The following CA2 variants were observed in gnomAD, a reference collection of about 807,000 sequenced individuals.
The protein encoded by CA2 is carbonic anhydrase 2, also known as carbonate dehydratase II.
In CA2, 23 loss-of-function variants were observed where a neutral mutation model predicts 27.8. That is an observed-to-expected ratio of 0.83 (90% CI 0.59 to 1.17). CA2 has a LOEUF of 1.17. Among genes scored for constraint, CA2 ranks in the 50% most tolerant of loss-of-function variants. The pLI is 0.00. For synonymous variants in CA2, 99 were observed against 114.9 expected (o/e 0.86, Z 0.88); for missense variants, 300 against 314.7 (o/e 0.95, Z 0.35).
intron 6 of CA2, among the ~76,000 whole-genome samples, chr8:85,478,733 T>C (rs181678046): frequency 7.2e-4 from 109 of 152,304 alleles, no homozygotes; most frequent in Non-Finnish European, 1.3e-3. Flanking sequence ...TTTTGTCCTA[T>C]AACATGGAAT....
intron 4 of CA2, among the ~76,000 whole-genome samples, chr8:85,475,056 C>A (rs1811771417): frequency 6.6e-6 from 1 of 151,952 alleles, no homozygotes; most frequent in Non-Finnish European, 1.5e-5. Context: ...GCCTGTAATC[C>A]CAGCACCTTG....
At chr8:85,476,392 T>C (rs1490000534) in intron 5 of CA2, among the ~76,000 whole-genome samples, 1 of 152,176 alleles carries the variant, frequency 6.6e-6, no homozygotes, top group African/African-American at 2.4e-5. Context: ...CTTCCGGTGA[T>C]GGGGAACTTA....
intron 6 of CA2, among the ~76,000 whole-genome samples, chr8:85,479,962 G>A (rs1811862368): frequency 6.6e-6 from 1 of 152,130 alleles, no homozygotes; most frequent in South Asian, 2.1e-4. Flanking sequence ...TATGGATGTG[G>A]TAGTTTGTCT....
At chr8:85,480,216 T>C (rs572804522) in intron 6 of CA2, among the ~76,000 whole-genome samples, 1 of 152,286 alleles carries the variant, frequency 6.6e-6, no homozygotes, top group East Asian at 1.9e-4. Flanking sequence ...ATTTTGGCCA[T>C]TGATGCACAG....
At position 85,468,122 on chromosome 8, in the gene CA2, G is replaced by A. The variant is rs139805166; in HGVS notation, c.232+2653G>A. Among the ~76,000 whole-genome samples the A allele has an allele frequency of 4.5e-4, 68 of 152,346 alleles. 1 individual carries two copies. The East Asian group carries it at 0.013, about 29-fold the overall frequency. On this transcript the variant is annotated intron_variant, in intron 2 of 6. Coordinates refer to ENST00000285379, the MANE Select transcript of CA2 (RefSeq NM_000067.3). ...TCCAAGGAACTATGGAAACGTGAAG[G>A]AGGCTTGGCAGTTTAACTGATAAGA... is the stretch of plus-strand genomic sequence containing the variant.
At chr8:85,464,181 G>T (rs984696307) in intron 1 of CA2, 66 bp downstream of exon 1, 4 of 1,395,466 alleles carry the variant, frequency 2.9e-6, no homozygotes, top group South Asian at 2.6e-5. Context: ...CGATCCCCGA[G>T]CCCGGATGCC....
chr8:85,480,827 G>A lies in CA2; in HGVS notation c.*38G>A, dbSNP rs753876625. On this transcript the variant is annotated 3_prime_UTR_variant, in exon 7 of 7. Transcript: ENST00000285379. The stretch of plus-strand genomic sequence containing the variant: ...GTCTGTATCCAAATAATGAATCTTC[G>A]GGTGTTTCCCTTTAGCTAAGCACAG... 47 of 1,610,322 alleles carry A rather than the reference G, an allele frequency of 2.9e-5. No homozygotes were observed. The Middle Eastern group carries it at 4.9e-4, about 17-fold the overall frequency.
chr8:85,472,410 A>C (rs1182051730), intron 2 of CA2, among the ~76,000 whole-genome samples: 1 of 152,226 alleles, frequency 6.6e-6, no homozygotes, highest in Non-Finnish European at 1.5e-5. Context: ...GGATGGAAGA[A>C]AGACTGATTT....
intron 2 of CA2, among the ~76,000 whole-genome samples, chr8:85,466,174 T>C (rs1167976192): frequency 7.2e-5 from 10 of 138,410 alleles, no homozygotes; most frequent in East Asian, 2.0e-4. Context: ...AAATCCTGCT[T>C]TTTTTTTTTT....
intron 2 of CA2, among the ~76,000 whole-genome samples, chr8:85,470,519 A>T (rs1287784997): frequency 6.6e-6 from 1 of 152,186 alleles, no homozygotes; most frequent in East Asian, 1.9e-4. Context: ...ACTCCAGTGC[A>T]TCTTAATTTA....
At position 85,473,822 on chromosome 8, in the gene CA2, C is replaced by CT. The variant is rs747254596; in HGVS notation, c.351+21dup. ...AAATATGCTGCAGAAGTAAGATATA[C>CT]TTTTTTTTTTCTTTCCAGGGAAAAA... On this transcript the variant is annotated intron_variant, in intron 3 of 6. Transcript: ENST00000285379. The CT allele has an allele frequency of 4.4e-3, 5,564 of 1,270,316 alleles. No individual in the cohort carries two copies. Among genetic ancestry groups the CT allele is most frequent in the Non-Finnish European group, 5.4e-3 (4,805 of 886,752 alleles). 78.7% of individuals were successfully genotyped at this position (1,270,316 alleles called of 1,614,324 possible). A position where few individuals can be genotyped will look rare whatever the true frequency, so the allele number is the denominator to read the frequency against.
chr8:85,477,373 TCTC>T (rs1360459815), intron 6 of CA2, 98 bp downstream of exon 6: 3 of 1,321,962 alleles, frequency 2.3e-6, no homozygotes, highest in East Asian at 2.3e-5. Flanking sequence ...ATTTAATCCT[TCTC>T]CTGCTACTTC....
chr8:85,466,106 C>T (rs1811625094), intron 2 of CA2, among the ~76,000 whole-genome samples: 2 of 138,126 alleles, frequency 1.4e-5, no homozygotes, highest in South Asian at 2.2e-4. Context: ...GGTAATAGAG[C>T]TGTTTACAGG....
intron 1 of CA2, chr8:85,464,525 C>A (rs1230281433): frequency 6.9e-6 from 1 of 145,638 alleles, no homozygotes; most frequent in Non-Finnish European, 1.4e-5. Context: ...TTAAGAGACT[C>A]CCCTCCCCCC....
At chr8:85,475,729 CAAATAA>C in intron 4 of CA2, 63 bp from the exon 5 acceptor site, 1 of 1,404,548 alleles carries the variant, frequency 7.1e-7, no homozygotes, top group African/African-American at 1.4e-5. Context: ...TAGAGCTACC[CAAATAA>C]AAATAAAAAC....
At chr8:85,464,658 G>T in intron 1 of CA2, 1 of 153,282 alleles carries the variant, frequency 6.5e-6, no homozygotes, top group Non-Finnish European at 1.4e-5. Flanking sequence ...TCTGATTTCC[G>T]AGTTTTCCCT....
chr8:85,464,273 C>A, intron 1 of CA2, 158 bp downstream of exon 1: 2 of 556,146 alleles, frequency 3.6e-6, no homozygotes, highest in Non-Finnish European at 5.9e-6. Flanking sequence ...CCCGGGCGCT[C>A]GCTCCGCTCG....
At chr8:85,479,324 C>T (rs143946870) in intron 6 of CA2, among the ~76,000 whole-genome samples, 8 of 152,186 alleles carry the variant, frequency 5.3e-5, no homozygotes, top group Non-Finnish European at 1.2e-4. Context: ...AACAGACTCT[C>T]TTTCAGATTG....
intron 2 of CA2, 83 bp from the exon 3 acceptor site, chr8:85,473,610 T>C: frequency 2.7e-6 from 2 of 731,486 alleles, no homozygotes; most frequent in Non-Finnish European, 5.0e-6. Context: ...CATGTGTGTG[T>C]ATGTATGTGT....
Sources: allele counts gnomAD v4.1 joint callset (sites outside exome capture counted in the v4.1 genomes callset), GRCh38; gene constraint gnomAD v4.1.1; transcripts MANE v1.5; gene names NCBI Gene and HGNC (gene_info 2026-07-23, HGNC 2026-07-21).